The following PALS2 variants were observed in gnomAD, a reference collection of about 807,000 sequenced individuals.
PALS2 encodes protein associated with LIN7 2, MAGUK p55 family member.
PALS2 carries 27 observed loss-of-function variants against 61.6 expected under a neutral mutation model. That is an observed-to-expected ratio of 0.44 (90% CI 0.32 to 0.60). PALS2 has a LOEUF of 0.60. PALS2 is among the 20% of genes least tolerant of loss of function. The probability of loss-of-function intolerance (pLI) is 0.05; values close to 1 mark genes in which losing one functional copy is unlikely to be tolerated. For synonymous variants in PALS2, 236 were observed against 218.6 expected, an observed-to-expected ratio of 1.08 and a Z score of -0.70; for missense variants, 554 against 639.4, an observed-to-expected ratio of 0.87 and a Z score of 1.44.
intron 8 of PALS2, chr7:24,667,122 G>A (rs1037705267): frequency 6.6e-6 from 1 of 152,092 alleles, no homozygotes; most frequent in Non-Finnish European, 1.5e-5. Context: ...AGCTAAGGAA[G>A]GAGTGTTATT....
chr7:24,613,622 G>T (rs747016239), intron 1 of PALS2, among the ~76,000 whole-genome samples: 7 of 151,696 alleles, frequency 4.6e-5, no homozygotes, highest in African/African-American at 1.7e-4. Context: ...CTCTTCAGCC[G>T]CTTGAAAATG....
chr7:24,670,183 A>G (rs1367622584), intron 9 of PALS2, among the ~76,000 whole-genome samples: 3 of 152,064 alleles, frequency 2.0e-5, no homozygotes. Flanking sequence ...AGTTAGTTCA[A>G]TTTCACTTTC....
intron 1 of PALS2, chr7:24,574,298 A>G (rs80095726): frequency 0.045 from 6,892 of 152,266 alleles, 187 homozygotes; most frequent in African/African-American, 0.064. Context: ...TCTGAAACCA[A>G]ATAGGTGCTG....
At chr7:24,635,389 A>G (rs945169391) in intron 2 of PALS2, among the ~76,000 whole-genome samples, 3 of 152,186 alleles carry the variant, frequency 2.0e-5, no homozygotes, top group African/African-American at 7.2e-5. Context: ...TGATTTTTGT[A>G]TATTGATCTT....
chr7:24,613,292 T>G (rs1053885686), intron 1 of PALS2, among the ~76,000 whole-genome samples: 1 of 151,728 alleles, frequency 6.6e-6, no homozygotes, highest in African/African-American at 2.4e-5. Context: ...TCTATTTCAT[T>G]TTTTACTTCT....
At chr7:24,658,142 A>T (rs1786521701) in intron 5 of PALS2, among the ~76,000 whole-genome samples, 1 of 150,292 alleles carries the variant, frequency 6.7e-6, no homozygotes. Flanking sequence ...TTCATGTTGG[A>T]TGTTTTCTAT....
chr7:24,610,877 A>G (rs960654462), intron 1 of PALS2, among the ~76,000 whole-genome samples: 7 of 152,160 alleles, frequency 4.6e-5, no homozygotes, highest in African/African-American at 1.4e-4. Flanking sequence ...GGATACTGTA[A>G]GTTATGCAAC....
intron 3 of PALS2, among the ~76,000 whole-genome samples, chr7:24,642,308 T>C (rs1407216208): frequency 2.6e-5 from 4 of 152,172 alleles, no homozygotes; most frequent in Admixed American, 2.6e-4. Flanking sequence ...AACTATTGTA[T>C]AACATAATCT....
intron 5 of PALS2, among the ~76,000 whole-genome samples, chr7:24,662,107 C>T (rs1786751796): frequency 2.0e-5 from 3 of 152,020 alleles, no homozygotes; most frequent in South Asian, 2.1e-4. Flanking sequence ...AATTATTGAC[C>T]TACTGATTTA....
intron 1 of PALS2, among the ~76,000 whole-genome samples, chr7:24,602,265 A>C (rs146146973): frequency 1.3e-5 from 2 of 151,976 alleles, no homozygotes; most frequent in South Asian, 2.1e-4. Context: ...TTTCTTTGAT[A>C]ATTTTTATAA....
intron 1 of PALS2, among the ~76,000 whole-genome samples, chr7:24,575,047 A>T (rs1782594214): frequency 6.6e-6 from 1 of 152,176 alleles, no homozygotes; most frequent in South Asian, 2.1e-4. Flanking sequence ...AATCTATCAT[A>T]TATTTAAATA....
At chr7:24,625,072 A>T (rs1029382486) in intron 2 of PALS2, among the ~76,000 whole-genome samples, 1 of 152,168 alleles carries the variant, frequency 6.6e-6, no homozygotes, top group African/African-American at 2.4e-5. Context: ...ATATTTTAAT[A>T]ATAATGTGCA....
chr7:24,582,411 G>A (rs1049637292), intron 1 of PALS2, among the ~76,000 whole-genome samples: 3 of 152,146 alleles, frequency 2.0e-5, no homozygotes, highest in African/African-American at 7.2e-5. Context: ...ACAAATTCTT[G>A]AATGTTTCAG....
At chr7:24,625,998 C>A (rs532390354) in intron 2 of PALS2, among the ~76,000 whole-genome samples, 3 of 152,102 alleles carry the variant, frequency 2.0e-5, no homozygotes, top group East Asian at 3.9e-4. Context: ...TGCAGAGAGG[C>A]AGAAATATCT....
chr7:24,653,838 T>C (rs934072229), intron 5 of PALS2, among the ~76,000 whole-genome samples: 25 of 152,286 alleles, frequency 1.6e-4, no homozygotes, highest in Middle Eastern at 3.4e-3. Context: ...TTACCAGACA[T>C]GCTGAGACAA....
chr7:24,676,476 C>A (rs1014073562), intron 9 of PALS2, among the ~76,000 whole-genome samples: 2 of 152,020 alleles, frequency 1.3e-5, no homozygotes, highest in African/African-American at 2.4e-5. Flanking sequence ...ATGGTAACGC[C>A]TAGGTTTTCT....
At chr7:24,653,162 G>A (rs939006865) in intron 5 of PALS2, among the ~76,000 whole-genome samples, 1 of 152,020 alleles carries the variant, frequency 6.6e-6, no homozygotes, top group Non-Finnish European at 1.5e-5. Flanking sequence ...CAAAATATTA[G>A]CAAATCAGAT....
chr7:24,680,293 C>A (rs1398936231), intron 10 of PALS2, 99 bp from the exon 11 acceptor site: 20 of 1,223,196 alleles, frequency 1.6e-5, no homozygotes, highest in Non-Finnish European at 2.2e-5. Context: ...TCCTTTAATT[C>A]ATAGAACAAG....
intron 1 of PALS2, among the ~76,000 whole-genome samples, chr7:24,606,851 A>G (rs987868456): frequency 6.6e-6 from 1 of 152,178 alleles, no homozygotes; most frequent in African/African-American, 2.4e-5. Flanking sequence ...CAAATACATA[A>G]TAAGTTGTCT....
Sources: allele counts gnomAD v4.1 joint callset (sites outside exome capture counted in the v4.1 genomes callset), GRCh38; gene constraint gnomAD v4.1.1; transcripts MANE v1.5; gene names NCBI Gene and HGNC (gene_info 2026-07-23, HGNC 2026-07-21).